The following STN1 variants were observed in gnomAD, a reference collection of about 807,000 sequenced individuals.
The protein encoded by STN1 is CST complex subunit STN1.
STN1 carries 29 observed loss-of-function variants against 45.5 expected under a neutral mutation model. The ratio of observed to expected loss-of-function variants is 0.64; its 90% confidence interval spans 0.47 to 0.87. The LOEUF is 0.87. Ranked by LOEUF, STN1 falls within the 40% of genes least tolerant of loss-of-function variation. STN1 has a pLI of 0.00. For synonymous variants in STN1, 148 were observed against 159.0 expected (o/e 0.93, Z 0.52); for missense variants, 376 against 441.4 (o/e 0.85, Z 1.33).
intron 2 of STN1, among the ~76,000 whole-genome samples, chr10:103,911,110 G>T (rs1843288053): frequency 6.6e-6 from 1 of 151,362 alleles, no homozygotes; most frequent in East Asian, 1.9e-4. Flanking sequence ...CAGTAAGTAG[G>T]TTACAAAACG....
intron 7 of STN1, among the ~76,000 whole-genome samples, chr10:103,894,969 A>T (rs1038149161): frequency 1.3e-5 from 2 of 152,168 alleles, no homozygotes; most frequent in Admixed American, 6.5e-5. Context: ...AAACTATAAC[A>T]CCATCACAAT....
At chr10:103,897,334 G>C (rs1025868798) in intron 7 of STN1, among the ~76,000 whole-genome samples, 1 of 151,442 alleles carries the variant, frequency 6.6e-6, no homozygotes, top group African/African-American at 2.4e-5. Flanking sequence ...GATTAGGTAA[G>C]GAGGAAGAAG....
chr10:103,892,088 T>C (rs765781307), intron 8 of STN1, 42 bp downstream of exon 8: 2 of 1,447,884 alleles, frequency 1.4e-6, no homozygotes, highest in Non-Finnish European at 1.9e-6. Flanking sequence ...ATATTTGTAA[T>C]TGAAGCTACA....
chr10:103,906,366 G>A (rs1390089275), intron 3 of STN1, among the ~76,000 whole-genome samples: 1 of 152,142 alleles, frequency 6.6e-6, no homozygotes, highest in African/African-American at 2.4e-5. Context: ...AATATATAAA[G>A]AGCTCATAGG....
In STN1 at chr10:103,892,184, C is replaced by T; in HGVS notation, c.822G>A (p.Leu274=). The change falls in exon 8 of 10, where the codon CTG becomes CTA. Residue 274 remains leucine (L), a synonymous_variant. Transcript: ENST00000224950. ...HSIFKNAIQL[L]QEKGLVFQKD... ...TCTGGAAAACAAGTCCTTTTTCCTG[C>T]AGCAGTTGTATAGCATTCTTAAATA... 2 of 1,612,032 alleles carry T rather than the reference C, an allele frequency of 1.2e-6. No homozygotes were observed. The highest frequency in any genetic ancestry group is 2.2e-5 in the East Asian group (1 of 44,848).
chr10:103,899,176 T>C (rs141582381), intron 5 of STN1, among the ~76,000 whole-genome samples, 176 bp from the exon 6 acceptor site: 2 of 152,370 alleles, frequency 1.3e-5, no homozygotes, highest in African/African-American at 2.4e-5. Flanking sequence ...CCAGTCATCC[T>C]GCATGAGGGA....
Position 103,909,518 on chromosome 10 carries a change from GTATATATATGTACATATATATGTACATA to G in STN1, c.229+981_229+1008del, listed in dbSNP as rs200341596. Reference sequence around the variant, plus strand: ...TGTGTATATGTATATATGTATATATGTATATATATGTACATATATATGTACATATATATATGCTGAGAAAAAGCAGAAA... The same window carrying G: ...TGTGTATATGTATATATGTATATATGTATATATGCTGAGAAAAAGCAGAAA... On this transcript the variant is annotated intron_variant, in intron 3 of 9. Coordinates refer to ENST00000224950, the MANE Select transcript of STN1 (RefSeq NM_024928.5). 3.0e-3 allele frequency among the ~76,000 whole-genome samples: 169 copies of G among 57,080 alleles called. 5 individuals carry two copies. The highest frequency in any genetic ancestry group is 9.4e-3 in the South Asian group (10 of 1,064). 37.4% of individuals were successfully genotyped at this position (57,080 alleles called of 152,430 possible).
intron 7 of STN1, among the ~76,000 whole-genome samples, chr10:103,893,390 G>A (rs922503349): frequency 6.6e-6 from 1 of 152,042 alleles, no homozygotes; most frequent in Non-Finnish European, 1.5e-5. Context: ...GGATGGTCTC[G>A]ATCTCCCGAC....
chr10:103,905,236 T>C (rs1467082336), intron 3 of STN1, 80 bp from the exon 4 acceptor site: 2 of 1,226,596 alleles, frequency 1.6e-6, no homozygotes, highest in East Asian at 2.3e-5. Context: ...CATTCAGCCA[T>C]ACTGAAAGAT....
rs867406278 is a variant in STN1, at chr10:103,900,708, T to A, written c.296-485A>T. Among the ~76,000 whole-genome samples the A allele has an allele frequency of 2.0e-4, 29 of 148,072 alleles. No individual in the cohort carries two copies. In the South Asian group the frequency reaches 2.0e-3, roughly 10 times the overall value. On this transcript the variant is annotated intron_variant, in intron 4 of 9. Coordinates refer to ENST00000224950, the MANE Select transcript of STN1 (RefSeq NM_024928.5). The stretch of plus-strand genomic sequence containing the variant: ...GCTAATCTCTCTGTCTCTCTCTCTC[T>A]CTCTCACACACACACACACACACTC...
chr10:103,900,066 A>G lies in STN1; in HGVS notation c.453T>C (p.Thr151=), dbSNP rs1295775138. The G allele has an allele frequency of 1.9e-6, 3 of 1,613,846 alleles. No homozygotes were observed. The highest frequency in any genetic ancestry group is 1.7e-6 in the Non-Finnish European group (2 of 1,179,898). ...YREEREIHAT[T]YYKVDDPVWN... ...GTAGAAATATCTTGTGCTTACAGTA[A>G]GTGGTGGCATGAATCTCTCGCTCTT... is the stretch of plus-strand genomic sequence containing the variant. Residue 151 remains threonine, a synonymous_variant, in exon 5 of 10, where the codon ACT becomes ACC. Transcript: ENST00000224950.
intron 3 of STN1, among the ~76,000 whole-genome samples, chr10:103,909,430 A>ATG (rs1564635031): frequency 3.9e-5 from 2 of 51,060 alleles, no homozygotes; most frequent in Non-Finnish European, 9.3e-5. Context: ...ATATGTATAT[A>ATG]TATGTATATA....
At chr10:103,914,352 A>T (rs1843311023) in intron 2 of STN1, among the ~76,000 whole-genome samples, 1 of 18,294 alleles carries the variant, frequency 5.5e-5, no homozygotes, top group Admixed American at 6.8e-4. Flanking sequence ...ATATATATAT[A>T]TATATATATA....
intron 3 of STN1, among the ~76,000 whole-genome samples, chr10:103,906,580 G>A (rs1281451743): frequency 6.6e-6 from 1 of 152,078 alleles, no homozygotes; most frequent in Non-Finnish European, 1.5e-5. Context: ...AGAATTGCTT[G>A]AGCCCAGGAG....
In STN1 at chr10:103,897,761, ACCTTTGTT is replaced by A. The variant is rs766805909; in HGVS notation, c.582-50_582-43del. The A allele has an allele frequency of 5.0e-6, 8 of 1,597,264 alleles. No individual in the cohort carries two copies. The African/African-American group carries it at 1.1e-4, about 22-fold the overall frequency. On this transcript the variant is annotated intron_variant, in intron 6 of 9. Coordinates refer to ENST00000224950, the MANE Select transcript of STN1 (RefSeq NM_024928.5). ...TTAAAGAGCTCTGCAGAAAACCATC[ACCTTTGTT>A]CCTTTTTGGTGTATAAAAACCAGAA... is the stretch of plus-strand genomic sequence containing the variant.
At chr10:103,902,537 C>G (rs1843216295) in intron 4 of STN1, among the ~76,000 whole-genome samples, 2 of 152,194 alleles carry the variant, frequency 1.3e-5, no homozygotes, top group African/African-American at 4.8e-5. Flanking sequence ...CAGAACTTCA[C>G]TTTCAGTGTC....
chr10:103,905,438 A>T (rs1843234568), intron 3 of STN1, among the ~76,000 whole-genome samples: 1 of 152,206 alleles, frequency 6.6e-6, no homozygotes, highest in African/African-American at 2.4e-5. Context: ...CCTCAAGGGT[A>T]CCCTCATGAT....
intron 6 of STN1, chr10:103,898,330 C>T (rs2984131): frequency 0.89 from 136,128 of 152,958 alleles, 60,789 homozygotes; most frequent in East Asian, 1. Context: ...CTTTTATGCA[C>T]ATATTAGCAA....
chr10:103,899,797 TCTA>T (rs1376949308), intron 5 of STN1, among the ~76,000 whole-genome samples: 2 of 152,256 alleles, frequency 1.3e-5, no homozygotes, highest in East Asian at 3.8e-4. Context: ...CTTTGGAAAC[TCTA>T]CTATGTCATC....
Sources: allele counts gnomAD v4.1 joint callset (sites outside exome capture counted in the v4.1 genomes callset), GRCh38; gene constraint gnomAD v4.1.1; transcripts MANE v1.5; gene names NCBI Gene and HGNC (gene_info 2026-07-23, HGNC 2026-07-21).